The following CHI3L2 variants were observed in gnomAD, a reference collection of about 807,000 sequenced individuals.
CHI3L2 encodes the protein chitinase 3 like 2.
CHI3L2 carries 47 observed loss-of-function variants against 47.3 expected under a neutral mutation model. The observed-to-expected ratio is 0.99, with a 90% CI of 0.79 to 1.27. The LOEUF (loss-of-function observed/expected upper bound fraction) is 1.27. Ranked by LOEUF, CHI3L2 falls within the 50% of genes most tolerant of loss-of-function variation. CHI3L2 has a pLI of 0.00. For synonymous variants in CHI3L2, 198 were observed against 169.9 expected, an observed-to-expected ratio of 1.17 and a Z score of -1.28; for missense variants, 497 against 462.1, an observed-to-expected ratio of 1.08 and a Z score of -0.69.
intron 8 of CHI3L2, among the ~76,000 whole-genome samples, chr1:111,240,927 CA>C (rs1557712048): frequency 6.6e-6 from 1 of 152,056 alleles, no homozygotes; most frequent in Non-Finnish European, 1.5e-5. Context: ...TTACTGTTTT[CA>C]AAAAAATTTT....
chr1:111,240,259 T>G (rs1025951975), intron 8 of CHI3L2, among the ~76,000 whole-genome samples: 1 of 152,194 alleles, frequency 6.6e-6, no homozygotes, highest in Non-Finnish European at 1.5e-5. Flanking sequence ...CCATTCAGTG[T>G]AATGCTCAAT....
At position 111,241,202 on chromosome 1, in the gene CHI3L2, T is replaced by G; in HGVS notation, c.919-125T>G. 4 of 746,154 alleles carry G rather than the reference T, an allele frequency of 5.4e-6. No individual in the cohort carries two copies. The South Asian group carries it at 5.7e-5, about 11-fold the overall frequency. The allele number at this position is 746,154 out of a possible 1,614,324, so 46.2% of individuals were successfully genotyped here. A position where few individuals can be genotyped will look rare whatever the true frequency, so the allele number is the denominator to read the frequency against. ...ATATGTGGTCATTTCTCTCATTGTC[T>G]GATCCTTGGGATAAAGGTTCTGATA... On this transcript the variant is annotated intron_variant, in intron 8 of 10. Transcript: ENST00000369748.
intron 9 of CHI3L2, 75 bp from the exon 10 acceptor site, chr1:111,242,152 T>C (rs1660076931): frequency 6.3e-7 from 1 of 1,593,684 alleles, no homozygotes; most frequent in South Asian, 1.1e-5. Flanking sequence ...TAGTCCCTCA[T>C]CTGAACCTGA....
chr1:111,238,860 G>A lies in CHI3L2; in HGVS notation c.846G>A (p.Val282=), dbSNP rs1284157160. The A allele has an allele frequency of 4.3e-6, 7 of 1,613,434 alleles. No homozygotes were observed. The highest frequency in any genetic ancestry group is 5.9e-6 in the Non-Finnish European group (7 of 1,179,774). ...SFTLASAETT[V]GAPASGPGAA... ...CACTGGCCTCTGCAGAAACCACCGT[G>A]GGGGCCCCTGCCTCTGGCCCTGGAG... Residue 282 remains valine (V), a synonymous_variant, in exon 8 of 11, where the codon GTG becomes GTA. Coordinates refer to ENST00000369748, the MANE Select transcript of CHI3L2 (RefSeq NM_004000.3).
Position 111,235,729 on chromosome 1 carries a change from A to C in CHI3L2, c.571A>C (p.Ile191Leu). Residue 191 changes from isoleucine to leucine, a missense_variant, in exon 6 of 11, where the codon ATT (isoleucine) becomes CTT (leucine). Physicochemically the swap from Ile to Leu is conservative, Grantham distance 5. Coordinates refer to ENST00000369748, the MANE Select transcript of CHI3L2 (RefSeq NM_004000.3). ...TAGVSAGRQM[I>L]DNSYQVEKLA... is the part of the protein sequence containing the mutation. ...GGGCGTATCTGCAGGGAGGCAAATGATTGATAACAGCTATCAAGTTGAGAA... is the reference window on the plus strand; with the variant it reads ...GGGCGTATCTGCAGGGAGGCAAATGCTTGATAACAGCTATCAAGTTGAGAA... 1 of 1,614,160 alleles carries C rather than the reference A, an allele frequency of 6.2e-7. No homozygotes were observed. Among genetic ancestry groups the C allele is most frequent in the Non-Finnish European group, 8.5e-7 (1 of 1,179,996 alleles).
chr1:111,238,825 C>T lies in CHI3L2; in HGVS notation c.811C>T (p.His271Tyr). The change falls in exon 8 of 11, where the codon CAC becomes TAC. Residue 271 changes from histidine (H) to tyrosine (Y), a missense_variant. Physicochemically the swap from His to Tyr is moderately conservative, Grantham distance 83. Coordinates refer to ENST00000369748, the MANE Select transcript of CHI3L2 (RefSeq NM_004000.3). ...GGTCATGGGCATCCCCACATATGGG[C>T]ACTCCTTCACACTGGCCTCTGCAGA... ...KVVMGIPTYG[H>Y]SFTLASAETT... 6.2e-7 allele frequency: 1 copy of T among 1,614,028 alleles called. No homozygotes were observed. The highest frequency in any genetic ancestry group is 8.5e-7 in the Non-Finnish European group (1 of 1,179,920).
Position 111,238,886 on chromosome 1 carries a change from C to T in CHI3L2, c.872C>T (p.Ala291Val). 1 of 1,612,552 alleles carries T rather than the reference C, an allele frequency of 6.2e-7. No individual in the cohort carries two copies. Among genetic ancestry groups the T allele is most frequent in the African/African-American group, 1.3e-5 (1 of 74,944 alleles). ...TVGAPASGPG[A>V]AGPITESSGF... The stretch of plus-strand genomic sequence containing the variant: ...GGGGCCCCTGCCTCTGGCCCTGGAG[C>T]TGCTGGACCCATCACAGAGTCTTCA... The change falls in exon 8 of 11, where the codon GCT becomes GTT. Residue 291 changes from alanine to valine, a missense_variant. By Grantham distance (64) the Ala-to-Val change is moderately conservative (BLOSUM62 0). Transcript: ENST00000369748.
At position 111,229,840 on chromosome 1, in the gene CHI3L2, C is replaced by G. The variant is rs1447454862; in HGVS notation, c.41-12C>G. On this transcript the variant is annotated splice_polypyrimidine_tract_variant and intron_variant, in intron 1 of 10. Coordinates refer to ENST00000369748, the MANE Select transcript of CHI3L2 (RefSeq NM_004000.3). ...GGCTCAACAGATTTCTCTTTCCACC[C>G]ATCTATTGCAGGTGTAGTGGTCTTG... is the stretch of plus-strand genomic sequence containing the variant. 3 of 1,613,892 alleles carry G rather than the reference C, an allele frequency of 1.9e-6. No individual in the cohort carries two copies. In the Admixed American group the frequency reaches 5.0e-5, roughly 27 times the overall value.
chr1:111,228,554 G>A (rs772952812), intron 1 of CHI3L2, among the ~76,000 whole-genome samples: 5 of 152,210 alleles, frequency 3.3e-5, no homozygotes, highest in Non-Finnish European at 5.9e-5. Flanking sequence ...CAGTGGATGT[G>A]CCACAGAGAA....
intron 7 of CHI3L2, among the ~76,000 whole-genome samples, chr1:111,237,906 G>A (rs1445102833): frequency 6.6e-6 from 1 of 152,158 alleles, no homozygotes; most frequent in Non-Finnish European, 1.5e-5. Flanking sequence ...AGTCTGATGA[G>A]AAACATTTAC....
At position 111,235,983 on chromosome 1, in the gene CHI3L2, T is replaced by C. The variant is rs777724414; in HGVS notation, c.606-41T>C. On this transcript the variant is annotated intron_variant, in intron 6 of 10. Coordinates refer to ENST00000369748, the MANE Select transcript of CHI3L2 (RefSeq NM_004000.3). ...AATTACTTACAATTGTTTCTACCAC[T>C]GCTCGTCACAAAATCTCTCCCATTG... The C allele has an allele frequency of 4.3e-6, 7 of 1,610,494 alleles. No homozygotes were observed. In the African/African-American group the frequency reaches 8.0e-5, roughly 18 times the overall value.
intron 7 of CHI3L2, among the ~76,000 whole-genome samples, chr1:111,237,237 G>T (rs1306664999): frequency 6.6e-6 from 1 of 152,150 alleles, no homozygotes; most frequent in African/African-American, 2.4e-5. Context: ...TTCTAAAAAG[G>T]GCTGTTAATC....
In CHI3L2 at chr1:111,230,727, T is replaced by C; in HGVS notation, c.71-15T>C. On this transcript the variant is annotated splice_polypyrimidine_tract_variant and intron_variant, in intron 2 of 10. Transcript: ENST00000369748. The stretch of plus-strand genomic sequence containing the variant: ...CAGCCCTAGAGTCTCACTGGCTCTC[T>C]TCACTCTACTCCAGGATCTGCCTAC... 6.2e-7 allele frequency: 1 copy of C among 1,611,738 alleles called. No homozygotes were observed. Among genetic ancestry groups the C allele is most frequent in the Non-Finnish European group, 8.5e-7 (1 of 1,177,888 alleles).
intron 5 of CHI3L2, 28 bp downstream of exon 5, chr1:111,235,085 G>C (rs1022124022): frequency 6.2e-7 from 1 of 1,609,896 alleles, no homozygotes; most frequent in Non-Finnish European, 8.5e-7. Context: ...TAATTCATGT[G>C]AGTCAGATGC....
intron 9 of CHI3L2, among the ~76,000 whole-genome samples, chr1:111,241,874 T>G (rs1431225150): frequency 6.6e-6 from 1 of 152,210 alleles, no homozygotes; most frequent in East Asian, 1.9e-4. Flanking sequence ...GTAAGACATT[T>G]GTGTTCCTTT....
chr1:111,234,539 G>A (rs1404529941), intron 4 of CHI3L2, among the ~76,000 whole-genome samples: 1 of 152,198 alleles, frequency 6.6e-6, no homozygotes, highest in Non-Finnish European at 1.5e-5. Flanking sequence ...AACTGACCTA[G>A]CAGGACTTTT....
chr1:111,242,039 G>A lies in CHI3L2; in HGVS notation c.1036-188G>A, dbSNP rs188495205. On this transcript the variant is annotated intron_variant, in intron 9 of 10. Coordinates refer to ENST00000369748, the MANE Select transcript of CHI3L2 (RefSeq NM_004000.3). ...GTGGTGACTCAAGTCAGAATGAGATGTAGCTAATGCTGATTTGGTGGCTCT... is the reference window on the plus strand; with the variant it reads ...GTGGTGACTCAAGTCAGAATGAGATATAGCTAATGCTGATTTGGTGGCTCT... Among the ~76,000 whole-genome samples the A allele has an allele frequency of 3.2e-3, 493 of 152,314 alleles. 2 individuals carry two copies. The highest frequency in any genetic ancestry group is 0.011 in the African/African-American group (476 of 41,560).
intron 9 of CHI3L2, among the ~76,000 whole-genome samples, chr1:111,241,895 A>G (rs5003373): frequency 0.25 from 37,836 of 152,056 alleles, 5,543 homozygotes; most frequent in Non-Finnish European, 0.34. Flanking sequence ...CATGGTTAGA[A>G]CAAAAAGGAG....
intron 4 of CHI3L2, among the ~76,000 whole-genome samples, chr1:111,233,095 A>C (rs1465523760): frequency 6.6e-6 from 1 of 152,238 alleles, no homozygotes; most frequent in East Asian, 1.9e-4. Flanking sequence ...CCAGTATCTC[A>C]TCTACAGCTT....
Sources: allele counts gnomAD v4.1 joint callset (sites outside exome capture counted in the v4.1 genomes callset), GRCh38; gene constraint gnomAD v4.1.1; transcripts MANE v1.5; gene names NCBI Gene and HGNC (gene_info 2026-07-23, HGNC 2026-07-21).